SHISA9: variants seen among roughly 807,000 people sequenced by gnomAD.
The protein encoded by SHISA9 is protein shisa-9.
SHISA9 carries 13 observed loss-of-function variants against 38.0 expected under a neutral mutation model. The observed-to-expected ratio is 0.34, with a 90% CI of 0.22 to 0.54. The LOEUF is 0.54. Ranked by LOEUF, SHISA9 falls within the 20% of genes least tolerant of loss-of-function variation. SHISA9 has a pLI of 0.91. For synonymous variants in SHISA9, 275 were observed against 242.0 expected, an observed-to-expected ratio of 1.14 and a Z score of -1.27; for missense variants, 538 against 575.8, an observed-to-expected ratio of 0.93 and a Z score of 0.67.
At chr16:13,490,736 T>C in the SHISA9 span, among the ~76,000 whole-genome samples, 1 of 152,214 alleles carries the variant, frequency 6.6e-6, no homozygotes, top group Non-Finnish European at 1.5e-5. Context: ...TCTTCTTCCC[T>C]TCTGTAGTGT....
At chr16:12,960,095 G>A (rs184260090) in intron 2 of SHISA9, among the ~76,000 whole-genome samples, 5 of 152,176 alleles carry the variant, frequency 3.3e-5, no homozygotes, top group East Asian at 3.9e-4. Flanking sequence ...GTTTACTTGC[G>A]TGGTGTGCTC....
the SHISA9 span, among the ~76,000 whole-genome samples, chr16:13,444,058 A>G: frequency 2.0e-5 from 3 of 150,438 alleles, no homozygotes; most frequent in Non-Finnish European, 4.4e-5. Context: ...CTTCACCAAG[A>G]CTGGTTTGTT....
At chr16:12,979,673 CT>C (rs1249925863) in intron 2 of SHISA9, among the ~76,000 whole-genome samples, 2 of 151,814 alleles carry the variant, frequency 1.3e-5, no homozygotes, top group Admixed American at 6.6e-5. Flanking sequence ...ATTTTCTTTT[CT>C]TTTTTTTCCT....
At chr16:13,470,823 T>A in the SHISA9 span, among the ~76,000 whole-genome samples, 1 of 152,108 alleles carries the variant, frequency 6.6e-6, no homozygotes, top group Admixed American at 6.5e-5. Context: ...TTAAAGTCCT[T>A]GTCTCAGAGT....
At chr16:13,435,910 A>G in the SHISA9 span, among the ~76,000 whole-genome samples, 2 of 152,172 alleles carry the variant, frequency 1.3e-5, no homozygotes, top group Non-Finnish European at 2.9e-5. Context: ...AGTGAGCTGT[A>G]TGGCTCTTCA....
At chr16:13,186,726 A>G (rs1567239594) in intron 2 of SHISA9, among the ~76,000 whole-genome samples, 9 of 152,146 alleles carry the variant, frequency 5.9e-5, no homozygotes, top group Non-Finnish European at 1.5e-5. Context: ...ATAAATCCCA[A>G]TCCCCGCTTC....
chr16:13,308,648 GGT>G, the SHISA9 span, among the ~76,000 whole-genome samples: 1 of 152,080 alleles, frequency 6.6e-6, no homozygotes, highest in African/African-American at 2.4e-5. Flanking sequence ...TGGGGGACAA[GGT>G]GTGTGTGTGA....
chr16:13,224,838 G>C (rs1026452844), intron 4 of SHISA9, among the ~76,000 whole-genome samples: 2 of 152,142 alleles, frequency 1.3e-5, no homozygotes, highest in African/African-American at 4.8e-5. Flanking sequence ...GTAGTATTTA[G>C]GCAGAGGAAA....
chr16:13,345,724 A>G, the SHISA9 span, among the ~76,000 whole-genome samples: 12 of 152,196 alleles, frequency 7.9e-5, no homozygotes, highest in African/African-American at 2.9e-4. Flanking sequence ...CCAACAGTGT[A>G]TAAGTGTTTC....
chr16:13,488,673 AT>A, the SHISA9 span, among the ~76,000 whole-genome samples: 1 of 78,980 alleles, frequency 1.3e-5, no homozygotes, highest in East Asian at 4.8e-4. Context: ...AGGTGATATC[AT>A]CTAAGTTTGT....
intron 2 of SHISA9, among the ~76,000 whole-genome samples, chr16:13,107,102 G>A (rs1047445548): frequency 1.3e-5 from 2 of 152,006 alleles, no homozygotes; most frequent in East Asian, 1.9e-4. Context: ...TTTATTCCCC[G>A]AGTGAGGGAA....
chr16:13,118,853 C>T (rs1226776824), intron 2 of SHISA9, among the ~76,000 whole-genome samples: 1 of 151,688 alleles, frequency 6.6e-6, no homozygotes, highest in East Asian at 1.9e-4. Context: ...CCTCAGCCTC[C>T]AGAGTAGCTG....
the SHISA9 span, among the ~76,000 whole-genome samples, chr16:13,414,083 G>C: frequency 6.6e-6 from 1 of 152,178 alleles, no homozygotes; most frequent in East Asian, 1.9e-4. Flanking sequence ...TTTTCCCCAT[G>C]AGTTGAATTT....
At chr16:13,522,602 A>G in the SHISA9 span, among the ~76,000 whole-genome samples, 1 of 152,146 alleles carries the variant, frequency 6.6e-6, no homozygotes, top group Non-Finnish European at 1.5e-5. Flanking sequence ...TAGACTTAAT[A>G]AGAGCAGACA....
chr16:13,045,597 TGAGGGA>T (rs56045222), intron 2 of SHISA9, among the ~76,000 whole-genome samples: 3,155 of 143,614 alleles, frequency 0.022, 116 homozygotes, highest in East Asian at 0.14. Context: ...TTACAGATGA[TGAGGGA>T]GAGGGAGAGG....
the SHISA9 span, among the ~76,000 whole-genome samples, chr16:13,269,286 C>G: frequency 6.6e-6 from 1 of 152,178 alleles, no homozygotes; most frequent in Non-Finnish European, 1.5e-5. Flanking sequence ...CGGTCGGTCA[C>G]CAGCTGTGTA....
chr16:13,313,919 A>G, the SHISA9 span, among the ~76,000 whole-genome samples: 2 of 152,202 alleles, frequency 1.3e-5, no homozygotes, highest in African/African-American at 4.8e-5. Flanking sequence ...ACATTAAAAG[A>G]CTTGAATGGT....
intron 2 of SHISA9, among the ~76,000 whole-genome samples, chr16:12,963,656 G>A (rs988135688): frequency 1.3e-5 from 2 of 152,160 alleles, no homozygotes; most frequent in Non-Finnish European, 2.9e-5. Flanking sequence ...TGTAAATGTG[G>A]AGACTGAGGC....
the SHISA9 span, among the ~76,000 whole-genome samples, chr16:13,316,798 A>C: frequency 1.3e-5 from 2 of 152,146 alleles, no homozygotes; most frequent in South Asian, 2.1e-4. Context: ...ATAAATATAC[A>C]CCTCCTTCAA....
Sources: allele counts gnomAD v4.1 joint callset (sites outside exome capture counted in the v4.1 genomes callset), GRCh38; gene constraint gnomAD v4.1.1; transcripts MANE v1.5; gene names NCBI Gene and HGNC (gene_info 2026-07-23, HGNC 2026-07-21).